SPINK9: variants seen among roughly 807,000 people sequenced by gnomAD.
SPINK9 encodes the protein serine protease inhibitor Kazal-type 9.
Under a neutral mutation model 10.8 loss-of-function variants are expected in SPINK9, and 3 were observed. The ratio of observed to expected loss-of-function variants is 0.28; its 90% CI spans 0.13 to 0.72. The LOEUF (loss-of-function observed/expected upper bound fraction) is 0.72. SPINK9 is among the 30% of genes least tolerant of loss of function. SPINK9 has a pLI of 0.74. For synonymous variants in SPINK9, 30 were observed against 31.2 expected, an observed-to-expected ratio of 0.96 and a Z score of 0.12; for missense variants, 101 against 103.2, an observed-to-expected ratio of 0.98 and a Z score of 0.09.
exon 2 of SPINK9, chr5:148,323,843 C>T (rs912442936): frequency 5.7e-6 from 4 of 701,106 alleles, no homozygotes; most frequent in African/African-American, 3.5e-5. Flanking sequence ...GACTCATGGG[C>T]TTAACGCAAC....
In SPINK9 at chr5:148,336,440, A is replaced by G. The variant is rs1757218471; in HGVS notation, c.74A>G (p.Gln25Arg). 6.2e-7 allele frequency: 1 copy of G among 1,613,624 alleles called. No individual in the cohort carries two copies. The highest frequency in any genetic ancestry group is 8.5e-7 in the Non-Finnish European group (1 of 1,179,658). The stretch of plus-strand genomic sequence containing the variant: ...CTTCCAGGTATAGAATGTGCCAAAC[A>G]GACGAAACAGATGGTCAGTACACCC... Reference protein sequence around the residue: ...ATMFSIECAKQTKQMVDCSHY... With the variant: ...ATMFSIECAKRTKQMVDCSHY... The change falls in exon 2 of 4, where the codon CAG becomes CGG. Residue 25 changes from glutamine (Q) to arginine (R), a missense_variant. Transcript: ENST00000377906.
upstream of SPINK9, among the ~76,000 whole-genome samples, chr5:148,333,314 AG>A (rs1757174027): frequency 3.9e-5 from 6 of 152,332 alleles, no homozygotes; most frequent in South Asian, 1.0e-3. Context: ...TTAGCCAAGG[AG>A]GGTTCTTGGT....
Position 148,339,137 on chromosome 5 carries a change from T to C in SPINK9, c.216-530T>C, listed in dbSNP as rs181071002. Reference sequence around the variant, plus strand: ...CTCAACAGAATATATGTTGGTGCTATAGTAAAAATTACACTTAAAAAATCA... The same window carrying C: ...CTCAACAGAATATATGTTGGTGCTACAGTAAAAATTACACTTAAAAAATCA... On this transcript the variant is annotated intron_variant, in intron 3 of 3. Coordinates refer to ENST00000377906, the MANE Select transcript of SPINK9 (RefSeq NM_001040433.2). 9.7e-4 allele frequency among the ~76,000 whole-genome samples: 147 copies of C among 152,282 alleles called. 1 individual carries two copies. Among genetic ancestry groups the C allele is most frequent in the Non-Finnish European group, 1.4e-3 (97 of 68,010 alleles).
chr5:148,327,400 T>C (rs1757078791), intron 2 of SPINK9, among the ~76,000 whole-genome samples: 1 of 152,162 alleles, frequency 6.6e-6, no homozygotes, highest in South Asian at 2.1e-4. Context: ...AGATTCTGGA[T>C]ATTAGCCCTT....
upstream of SPINK9, among the ~76,000 whole-genome samples, chr5:148,334,262 T>A (rs1442976990): frequency 6.6e-6 from 1 of 151,892 alleles, no homozygotes; most frequent in Non-Finnish European, 1.5e-5. Context: ...TTGGGGGGGA[T>A]GATTATGATT....
upstream of SPINK9, among the ~76,000 whole-genome samples, chr5:148,331,054 G>T (rs534359778): frequency 6.6e-6 from 1 of 152,160 alleles, no homozygotes; most frequent in African/African-American, 2.4e-5. Flanking sequence ...GTGATGCCTC[G>T]CCCTGCTTCG....
chr5:148,334,508 C>A (rs1428295717), upstream of SPINK9, among the ~76,000 whole-genome samples: 2 of 152,014 alleles, frequency 1.3e-5, no homozygotes, highest in Admixed American at 1.3e-4. Context: ...GTCAGGAGTT[C>A]AAGACCAGCC....
At chr5:148,326,685 C>T (rs1264030071) in intron 2 of SPINK9, among the ~76,000 whole-genome samples, 2 of 152,000 alleles carry the variant, frequency 1.3e-5, no homozygotes, top group East Asian at 3.9e-4. Flanking sequence ...CACAACAGTC[C>T]CCGGTGTGTG....
At chr5:148,327,249 T>C (rs772357985) in intron 2 of SPINK9, among the ~76,000 whole-genome samples, 22 of 152,238 alleles carry the variant, frequency 1.4e-4, no homozygotes, top group Non-Finnish European at 2.4e-4. Context: ...GATTTGCATT[T>C]CTCTGATGGC....
upstream of SPINK9, among the ~76,000 whole-genome samples, chr5:148,334,820 C>T (rs1007572803): frequency 6.6e-6 from 1 of 151,992 alleles, no homozygotes; most frequent in Admixed American, 6.6e-5. Flanking sequence ...AGTAAATGCT[C>T]ATTAATATTT....
chr5:148,326,708 C>T (rs923226179), intron 2 of SPINK9, among the ~76,000 whole-genome samples: 4 of 152,120 alleles, frequency 2.6e-5, no homozygotes, highest in African/African-American at 7.2e-5. Context: ...GTTCCCCTTC[C>T]TGTGTCCAAG....
upstream of SPINK9, among the ~76,000 whole-genome samples, chr5:148,335,069 T>C (rs1342401772): frequency 6.6e-6 from 1 of 152,166 alleles, no homozygotes; most frequent in African/African-American, 2.4e-5. Context: ...ATACTAATAC[T>C]TCCATTAGTA....
At chr5:148,324,412 ATCAT>A (rs1382931912) in intron 2 of SPINK9, among the ~76,000 whole-genome samples, 1 of 152,128 alleles carries the variant, frequency 6.6e-6, no homozygotes, top group Non-Finnish European at 1.5e-5. Context: ...TAGTAGAAAA[ATCAT>A]TCAGACACTG....
At chr5:148,321,606 TGCC>T (rs1229055115) in intron 1 of SPINK9, among the ~76,000 whole-genome samples, 9 of 152,106 alleles carry the variant, frequency 5.9e-5, no homozygotes, top group Admixed American at 1.3e-4. Context: ...CTTTTCATTA[TGCC>T]ACCCTGATTT....
At chr5:148,331,933 A>T (rs6892647), upstream of SPINK9, among the ~76,000 whole-genome samples, 56,469 of 152,010 alleles carry the variant, frequency 0.37, 11,802 homozygotes, top group East Asian at 0.58. Context: ...TTGATAGGGA[A>T]TATGTTGAAT....
chr5:148,331,645 G>C (rs1682095864), upstream of SPINK9, among the ~76,000 whole-genome samples: 1 of 152,116 alleles, frequency 6.6e-6, no homozygotes, highest in South Asian at 2.1e-4. Context: ...CCAAAAAAAT[G>C]ATAAGTATTT....
intron 1 of SPINK9, 40 bp from the exon 2 acceptor site, chr5:148,336,382 T>C (rs749024902): frequency 1.7e-5 from 28 of 1,606,378 alleles, no homozygotes; most frequent in Non-Finnish European, 2.1e-5. Flanking sequence ...ATTAGGTTCT[T>C]CCAGAGTTTA....
intron 2 of SPINK9, among the ~76,000 whole-genome samples, chr5:148,330,273 C>A (rs906633171): frequency 6.6e-6 from 1 of 152,178 alleles, no homozygotes; most frequent in East Asian, 1.9e-4. Flanking sequence ...CCTTCTTTGT[C>A]TCTTTTGATC....
chr5:148,327,791 G>C (rs1233495295), intron 2 of SPINK9, among the ~76,000 whole-genome samples: 4 of 151,884 alleles, frequency 2.6e-5, no homozygotes, highest in African/African-American at 9.7e-5. Context: ...GTTTTTGTCA[G>C]GTTTGTCAAA....
Sources: allele counts gnomAD v4.1 joint callset (sites outside exome capture counted in the v4.1 genomes callset), GRCh38; gene constraint gnomAD v4.1.1; transcripts MANE v1.5; gene names NCBI Gene and HGNC (gene_info 2026-07-23, HGNC 2026-07-21).